LRRC37A2: variants seen among roughly 807,000 people sequenced by gnomAD.
The protein encoded by LRRC37A2 is leucine rich repeat containing 37 member A2.
Under a neutral mutation model 68.8 loss-of-function variants are expected in LRRC37A2, and 9 were observed. That is an observed-to-expected ratio of 0.13 (90% confidence interval 0.08 to 0.23). The LOEUF is 0.23. Among genes scored for constraint, LRRC37A2 ranks in the 10% least tolerant of loss-of-function variants. LRRC37A2 has a pLI of 1.00. For missense variants in LRRC37A2, 168 were observed against 950.4 expected, an observed-to-expected ratio of 0.18 and a Z score of 10.82; for synonymous variants, 63 against 367.6, an observed-to-expected ratio of 0.17 and a Z score of 9.48.
At chr17:46,808,459 T>C in the LRRC37A2 span, among the ~76,000 whole-genome samples, 1 of 152,162 alleles carries the variant, frequency 6.6e-6, no homozygotes, top group South Asian at 2.1e-4. Context: ...TTTACCCCAA[T>C]AACAAGTCCA....
chr17:46,406,080 A>AAT, the LRRC37A2 span, among the ~76,000 whole-genome samples: 1 of 71,766 alleles, frequency 1.4e-5, no homozygotes, highest in Admixed American at 1.4e-4. Context: ...AACATTTCAT[A>AAT]ATATACTTTT....
the LRRC37A2 span, among the ~76,000 whole-genome samples, chr17:46,870,608 G>A: frequency 3.3e-5 from 5 of 152,214 alleles, no homozygotes; most frequent in Non-Finnish European, 5.9e-5. Flanking sequence ...CCTGATGGGT[G>A]TGGAATCTAC....
chr17:46,785,877 G>C, the LRRC37A2 span, among the ~76,000 whole-genome samples: 1 of 152,220 alleles, frequency 6.6e-6, no homozygotes, highest in African/African-American at 2.4e-5. Context: ...GGGCGGGGCA[G>C]TGCCTGGGCT....
chr17:46,786,592 G>A, the LRRC37A2 span, among the ~76,000 whole-genome samples: 4 of 152,238 alleles, frequency 2.6e-5, no homozygotes, highest in Non-Finnish European at 4.4e-5. Flanking sequence ...AGCTGGGTCC[G>A]TTTCTCCACT....
At chr17:46,867,212 C>T in the LRRC37A2 span, among the ~76,000 whole-genome samples, 1 of 152,228 alleles carries the variant, frequency 6.6e-6, no homozygotes, top group South Asian at 2.1e-4. Flanking sequence ...AGGACCGTGT[C>T]CCAGCACAGT....
the LRRC37A2 span, among the ~76,000 whole-genome samples, chr17:46,919,814 G>T: frequency 6.6e-6 from 1 of 152,154 alleles, no homozygotes; most frequent in Non-Finnish European, 1.5e-5. Flanking sequence ...GGGCGTGGTG[G>T]TGGGTGCCTG....
At chr17:46,973,528 C>T in the LRRC37A2 span, among the ~76,000 whole-genome samples, 1 of 152,024 alleles carries the variant, frequency 6.6e-6, no homozygotes, top group Non-Finnish European at 1.5e-5. Context: ...TCTCCTTATC[C>T]ATGGACTGGA....
chr17:46,990,425 C>G, the LRRC37A2 span, among the ~76,000 whole-genome samples: 3 of 152,140 alleles, frequency 2.0e-5, no homozygotes, highest in African/African-American at 7.2e-5. Flanking sequence ...ATAAAGTGAT[C>G]ACACTATTGA....
the LRRC37A2 span, among the ~76,000 whole-genome samples, chr17:46,953,974 A>G: frequency 6.6e-6 from 1 of 152,108 alleles, no homozygotes; most frequent in Non-Finnish European, 1.5e-5. Context: ...ATTTTCTCCC[A>G]TTCTGTAGGT....
chr17:46,801,344 G>T, the LRRC37A2 span, among the ~76,000 whole-genome samples: 1 of 152,228 alleles, frequency 6.6e-6, no homozygotes, highest in Non-Finnish European at 1.5e-5. Flanking sequence ...AAGTGGCCGG[G>T]CACGGTGGCT....
chr17:46,726,135 T>C, the LRRC37A2 span, among the ~76,000 whole-genome samples: 3 of 152,354 alleles, frequency 2.0e-5, no homozygotes, highest in Middle Eastern at 3.4e-3. Context: ...TCTTTCAGTG[T>C]TACTTTTGCT....
the LRRC37A2 span, among the ~76,000 whole-genome samples, chr17:46,495,785 C>CTT: frequency 7.3e-6 from 1 of 136,632 alleles, no homozygotes; most frequent in Non-Finnish European, 1.5e-5. Context: ...CTATGACTTA[C>CTT]TCTTTGACCC....
At chr17:46,958,906 A>G in the LRRC37A2 span, among the ~76,000 whole-genome samples, 16 of 152,352 alleles carry the variant, frequency 1.1e-4, no homozygotes, top group South Asian at 2.1e-4. Flanking sequence ...GAAATGTACA[A>G]CCTACCTCCA....
At chr17:46,828,276 G>A in the LRRC37A2 span, among the ~76,000 whole-genome samples, 25 of 151,008 alleles carry the variant, frequency 1.7e-4, no homozygotes, top group African/African-American at 5.1e-4. Context: ...GGCTCAGTGC[G>A]ACCTCCATCT....
chr17:46,822,138 T>G, the LRRC37A2 span, among the ~76,000 whole-genome samples: 1 of 152,140 alleles, frequency 6.6e-6, no homozygotes, highest in Non-Finnish European at 1.5e-5. Flanking sequence ...GGAGGAACAG[T>G]GCAAAGGGAG....
the LRRC37A2 span, among the ~76,000 whole-genome samples, chr17:46,902,461 C>T: frequency 0.02 from 2,906 of 148,100 alleles, 78 homozygotes; most frequent in African/African-American, 0.068. Context: ...GGGAACAGTG[C>T]GTGTGTGTGT....
chr17:46,929,310 A>G, the LRRC37A2 span, among the ~76,000 whole-genome samples: 1 of 152,240 alleles, frequency 6.6e-6, no homozygotes, highest in Non-Finnish European at 1.5e-5. Flanking sequence ...GTAAGCACCC[A>G]TAATCTGCCT....
the LRRC37A2 span, among the ~76,000 whole-genome samples, chr17:46,741,049 G>A: frequency 1.3e-5 from 2 of 152,232 alleles, no homozygotes; most frequent in East Asian, 3.9e-4. Context: ...GGCAAGAGTG[G>A]ACCCCAAATC....
the LRRC37A2 span, among the ~76,000 whole-genome samples, chr17:46,805,044 G>A: frequency 6.6e-6 from 1 of 151,820 alleles, no homozygotes; most frequent in Non-Finnish European, 1.5e-5. Context: ...CTTAAGACCT[G>A]TAACACTCAC....
Sources: allele counts gnomAD v4.1 joint callset (sites outside exome capture counted in the v4.1 genomes callset), GRCh38; gene constraint gnomAD v4.1.1; transcripts MANE v1.5; gene names NCBI Gene and HGNC (gene_info 2026-07-23, HGNC 2026-07-21).